PPP1R13B: variants seen among roughly 807,000 people sequenced by gnomAD.
PPP1R13B encodes apoptosis-stimulating of p53 protein 1.
A neutral mutation model predicts 119.8 loss-of-function variants in PPP1R13B; 44 were observed. The ratio of observed to expected loss-of-function variants is 0.37; its 90% confidence interval spans 0.29 to 0.47. The LOEUF (loss-of-function observed/expected upper bound fraction) is 0.47. Among genes scored for constraint, PPP1R13B ranks in the 20% least tolerant of loss-of-function variants. PPP1R13B has a pLI of 0.99. For synonymous variants in PPP1R13B, 542 were observed against 561.5 expected, an observed-to-expected ratio of 0.97 and a Z score of 0.49; for missense variants, 1,227 against 1,413.5, an observed-to-expected ratio of 0.87 and a Z score of 2.12.
chr14:103,779,888 G>A (rs1201038908), intron 3 of PPP1R13B, among the ~76,000 whole-genome samples: 2 of 151,986 alleles, frequency 1.3e-5, no homozygotes, highest in African/African-American at 4.8e-5. Flanking sequence ...GGTGGCTCAC[G>A]CCTGTAATCC....
intron 1 of PPP1R13B, among the ~76,000 whole-genome samples, chr14:103,809,742 G>A (rs1239437386): frequency 3.3e-5 from 5 of 151,830 alleles, no homozygotes; most frequent in Non-Finnish European, 5.9e-5. Flanking sequence ...AGGATCACTT[G>A]AGCCCAGGAG....
chr14:103,775,171 T>A (rs971391652), intron 4 of PPP1R13B, among the ~76,000 whole-genome samples: 3 of 152,162 alleles, frequency 2.0e-5, no homozygotes, highest in African/African-American at 7.2e-5. Context: ...ACAACACACC[T>A]CACTTCTTCA....
At chr14:103,814,558 C>T (rs565963818) in intron 1 of PPP1R13B, among the ~76,000 whole-genome samples, 10 of 151,984 alleles carry the variant, frequency 6.6e-5, no homozygotes, top group Non-Finnish European at 1.0e-4. Context: ...AATCCCAAGA[C>T]TTTAGGAGGC....
intron 4 of PPP1R13B, among the ~76,000 whole-genome samples, chr14:103,769,280 G>A (rs1030881967): frequency 3.3e-5 from 5 of 151,826 alleles, no homozygotes; most frequent in Admixed American, 6.6e-5. Flanking sequence ...TAGTAGAGAC[G>A]GGGCTTTACC....
chr14:103,745,655 T>C (rs1214266653), intron 9 of PPP1R13B, among the ~76,000 whole-genome samples: 4 of 152,182 alleles, frequency 2.6e-5, no homozygotes, highest in African/African-American at 9.7e-5. Context: ...TGGACTTTGA[T>C]CAATGAGGAC....
chr14:103,824,531 TAAAAAAGTAC>T (rs2086491125), intron 1 of PPP1R13B, among the ~76,000 whole-genome samples: 1 of 151,260 alleles, frequency 6.6e-6, no homozygotes, highest in African/African-American at 2.4e-5. Context: ...CCATCTCTAC[TAAAAAAGTAC>T]AAAAATTAGC....
chr14:103,740,228 A>G lies in PPP1R13B; in HGVS notation c.2188T>C (p.Phe730Leu). 3 of 1,613,288 alleles carry G rather than the reference A, an allele frequency of 1.9e-6. No individual in the cohort carries two copies. Among genetic ancestry groups the G allele is most frequent in the Non-Finnish European group, 2.5e-6 (3 of 1,179,648 alleles). ...TCCATGCCACCGGCCAGGGTGTTGA[A>G]GCGCTGGTACAGCAGCTTCTGGATG... is the stretch of plus-strand genomic sequence containing the variant. ...PNIQKLLYQR[F>L]NTLAGGMEGT... Residue 730 changes from phenylalanine (F) to leucine (L), a missense_variant, in exon 12 of 17, where the codon TTC becomes CTC. Physicochemically the swap from Phe to Leu is conservative, Grantham distance 22. Transcript: ENST00000202556. The surrounding 1 kb of genome is among the most constrained non-coding windows in gnomAD (Gnocchi z 4.6).
chr14:103,814,664 G>A (rs1045846641), intron 1 of PPP1R13B, among the ~76,000 whole-genome samples: 3 of 152,102 alleles, frequency 2.0e-5, no homozygotes, highest in African/African-American at 7.2e-5. Context: ...AAAAACCGGC[G>A]GCGGGGCGCG....
intron 1 of PPP1R13B, among the ~76,000 whole-genome samples, chr14:103,834,338 T>C (rs766992213): frequency 9.2e-5 from 14 of 152,256 alleles, no homozygotes; most frequent in Non-Finnish European, 1.8e-4. Context: ...ATCATGCCAG[T>C]GCACTCTAGC....
intron 3 of PPP1R13B, among the ~76,000 whole-genome samples, chr14:103,779,167 T>C (rs2085279752): frequency 2.3e-5 from 3 of 131,874 alleles, no homozygotes; most frequent in Admixed American, 2.2e-4. Flanking sequence ...GTGCACCCTG[T>C]AGTCTCAGCT....
intron 1 of PPP1R13B, among the ~76,000 whole-genome samples, chr14:103,844,267 CG>C (rs1045910674): frequency 6.7e-6 from 1 of 148,264 alleles, no homozygotes; most frequent in Non-Finnish European, 1.5e-5. Flanking sequence ...AACCCTGTCT[CG>C]AAAAATAAAA....
At chr14:103,794,328 GTTTTTTTT>G (rs60972985) in intron 2 of PPP1R13B, among the ~76,000 whole-genome samples, 39 of 140,684 alleles carry the variant, frequency 2.8e-4, no homozygotes, top group African/African-American at 1.0e-3. Flanking sequence ...TTTGTTTTTT[GTTTTTTTT>G]TTTTTTTGAG....
chr14:103,746,244 G>T, intron 9 of PPP1R13B, 129 bp downstream of exon 9: 1 of 989,492 alleles, frequency 1.0e-6, no homozygotes, highest in Non-Finnish European at 1.4e-6. Flanking sequence ...CTCACGGGGA[G>T]ACTGAGCCTG....
chr14:103,796,831 G>A (rs747288003), intron 2 of PPP1R13B, among the ~76,000 whole-genome samples: 14 of 152,060 alleles, frequency 9.2e-5, no homozygotes, highest in South Asian at 6.2e-4. Flanking sequence ...GGTGGTGCGC[G>A]CCTATAGCCC....
At chr14:103,804,044 C>G (rs753643076) in intron 1 of PPP1R13B, 53 of 984,230 alleles carry the variant, frequency 5.4e-5, no homozygotes, top group Non-Finnish European at 6.3e-5. Context: ...ATCTGTGACT[C>G]ATTACCTGGT....
At chr14:103,843,434 G>A (rs962033211) in intron 1 of PPP1R13B, among the ~76,000 whole-genome samples, 10 of 152,004 alleles carry the variant, frequency 6.6e-5, no homozygotes, top group African/African-American at 2.4e-4. Context: ...AATCTAAATT[G>A]GGCTTTCCAT....
intron 5 of PPP1R13B, among the ~76,000 whole-genome samples, chr14:103,756,662 T>C (rs1176810344): frequency 1.3e-5 from 2 of 152,202 alleles, no homozygotes; most frequent in African/African-American, 4.8e-5. Flanking sequence ...CATCACGGAT[T>C]GCTGCTTTCT....
At chr14:103,753,859 C>CCT (rs2084609961) in intron 6 of PPP1R13B, among the ~76,000 whole-genome samples, 1 of 152,182 alleles carries the variant, frequency 6.6e-6, no homozygotes, top group African/African-American at 2.4e-5. Flanking sequence ...AATCCTCCCA[C>CCT]CTCAGCCTCT....
chr14:103,740,634 C>T lies in PPP1R13B; in HGVS notation c.1823-41G>A, dbSNP rs1163070515. On this transcript the variant is annotated intron_variant, in intron 11 of 16. Transcript: ENST00000202556. The surrounding 1 kb of genome is among the most constrained non-coding windows in gnomAD (Gnocchi z 4.6). ...AGGACAGGCAATTTTGACCTCACTA[C>T]AGAGATCTAGTCATACACACCTATG... The T allele has an allele frequency of 4.8e-6, 7 of 1,463,354 alleles. No individual in the cohort carries two copies. The highest frequency in any genetic ancestry group is 6.3e-6 in the Non-Finnish European group (7 of 1,106,192). The allele number at this position is 1,463,354 out of a possible 1,614,324, so 90.6% of individuals were successfully genotyped here.
Sources: gnomAD v4.1 joint callset for allele counts (sites outside exome capture counted in the v4.1 genomes callset) on GRCh38, gnomAD v4.1.1 for gene constraint, Gnocchi (gnomAD v3.1) non-coding constraint, MANE v1.5 for transcripts, NCBI Gene and HGNC (gene_info 2026-07-23, HGNC 2026-07-21) for gene names.